Variants in WNT11 observed in about 807,000 individuals in gnomAD.
WNT11 encodes the protein protein Wnt-11.
A neutral mutation model predicts 35.6 loss-of-function variants in WNT11; 20 were observed. The ratio of observed to expected loss-of-function variants is 0.56; its 90% CI spans 0.40 to 0.82. The LOEUF is 0.82. Ranked by LOEUF, WNT11 falls within the 40% of genes least tolerant of loss-of-function variation. The pLI, the probability that WNT11 is intolerant of heterozygous loss-of-function variation, is 0.00. For synonymous variants in WNT11, 200 were observed against 211.9 expected, an observed-to-expected ratio of 0.94 and a Z score of 0.49; for missense variants, 459 against 504.4, an observed-to-expected ratio of 0.91 and a Z score of 0.86.
chr11:76,209,956 C>G (rs1953536759), upstream of WNT11, among the ~76,000 whole-genome samples: 1 of 151,780 alleles, frequency 6.6e-6, no homozygotes, highest in Non-Finnish European at 1.5e-5. Context: ...CTCCCCCCGC[C>G]GCCCCTGGGA....
intron 3 of WNT11, among the ~76,000 whole-genome samples, chr11:76,193,380 G>GCCCA (rs1468515887): frequency 3.3e-5 from 5 of 151,634 alleles, no homozygotes; most frequent in Admixed American, 3.3e-4. Flanking sequence ...AGCATGTGGC[G>GCCCA]CCCAGCTGGC....
upstream of WNT11, chr11:76,210,564 A>C: frequency 2.0e-6 from 2 of 985,060 alleles, no homozygotes; most frequent in Non-Finnish European, 2.4e-6. Context: ...GCCCGTGCGC[A>C]CTCCGGCTGG....
intron 3 of WNT11, among the ~76,000 whole-genome samples, chr11:76,192,682 T>G (rs556760260): frequency 2.7e-4 from 41 of 152,352 alleles, no homozygotes; most frequent in African/African-American, 9.9e-4. Flanking sequence ...GCTCAGAGGC[T>G]TGGGGAGACT....
At chr11:76,190,976 G>A (rs772510218) in intron 4 of WNT11, 1 of 153,044 alleles carries the variant, frequency 6.5e-6, no homozygotes, top group South Asian at 2.1e-4. Flanking sequence ...TGTGACTGGG[G>A]CTGTGGTAGG....
chr11:76,189,612 A>C (rs1953150777), intron 4 of WNT11, among the ~76,000 whole-genome samples: 1 of 152,130 alleles, frequency 6.6e-6, no homozygotes, highest in Admixed American at 6.5e-5. Context: ...AGGCTCACTT[A>C]CACCCAACCC....
At chr11:76,210,461 C>A, upstream of WNT11, 1 of 985,344 alleles carries the variant, frequency 1.0e-6, no homozygotes. Context: ...CTGCCCGCGA[C>A]CACTGCTCAC....
chr11:76,187,298 C>G, intron 4 of WNT11, 59 bp from the exon 5 acceptor site: 1 of 1,518,534 alleles, frequency 6.6e-7, no homozygotes, highest in Non-Finnish European at 8.8e-7. Context: ...CACCAACACC[C>G]CATGACTCCC....
At position 76,187,248 on chromosome 11, in the gene WNT11, G is replaced by A. The variant is rs772714967; in HGVS notation, c.891-9C>T. On this transcript the variant is annotated splice_polypyrimidine_tract_variant and intron_variant, in intron 4 of 4. Coordinates refer to ENST00000322563, the MANE Select transcript of WNT11 (RefSeq NM_004626.3). ...ATGTCTTGTTGCACTGCCTATTGTGGGGGCAGGAAGGAGGTCAGTGCATGC... is the reference window on the plus strand; with the variant it reads ...ATGTCTTGTTGCACTGCCTATTGTGAGGGCAGGAAGGAGGTCAGTGCATGC... 16 of 1,599,168 alleles carry A rather than the reference G, an allele frequency of 1.0e-5. No homozygotes were observed. The highest frequency in any genetic ancestry group is 1.7e-4 in the Middle Eastern group (1 of 5,958).
At chr11:76,191,098 C>T (rs1953177760) in intron 4 of WNT11, among the ~76,000 whole-genome samples, 1 of 152,202 alleles carries the variant, frequency 6.6e-6, no homozygotes, top group South Asian at 2.1e-4. Flanking sequence ...ACATCACTCT[C>T]CCTCACACAG....
chr11:76,190,101 T>C (rs1331209070), intron 4 of WNT11, among the ~76,000 whole-genome samples: 2 of 151,704 alleles, frequency 1.3e-5, no homozygotes, highest in Non-Finnish European at 2.9e-5. Flanking sequence ...AGATGCTAGG[T>C]AAGTGCGCTT....
intron 1 of WNT11, among the ~76,000 whole-genome samples, chr11:76,199,458 T>C (rs1208743329): frequency 1.3e-5 from 2 of 150,370 alleles, no homozygotes; most frequent in Non-Finnish European, 3.0e-5. Flanking sequence ...GGTGACACAG[T>C]GAAACCTTGT....
At chr11:76,191,880 C>G in intron 3 of WNT11, 24 bp from the exon 4 acceptor site, 1 of 1,581,674 alleles carries the variant, frequency 6.3e-7, no homozygotes, top group Non-Finnish European at 8.6e-7. Context: ...AAGGCGTCAG[C>G]TGGGTGGCCA....
intron 4 of WNT11, among the ~76,000 whole-genome samples, chr11:76,188,982 G>A (rs561798382): frequency 6.6e-6 from 1 of 152,234 alleles, no homozygotes; most frequent in African/African-American, 2.4e-5. Flanking sequence ...TGGGCAGAAG[G>A]AGGGGAGCGC....
intron 4 of WNT11, among the ~76,000 whole-genome samples, chr11:76,190,313 C>T (rs1953164317): frequency 6.6e-6 from 1 of 152,142 alleles, no homozygotes; most frequent in Admixed American, 6.5e-5. Flanking sequence ...CTGCAGCCCT[C>T]CATGTTCTAG....
intron 4 of WNT11, among the ~76,000 whole-genome samples, chr11:76,191,282 C>G (rs1186321026): frequency 1.3e-5 from 2 of 152,218 alleles, no homozygotes; most frequent in Non-Finnish European, 2.9e-5. Flanking sequence ...CTCTTCCCAT[C>G]TGTCTCCCCA....
At chr11:76,204,436 T>C (rs1293785252) in intron 1 of WNT11, among the ~76,000 whole-genome samples, 1 of 152,174 alleles carries the variant, frequency 6.6e-6, no homozygotes, top group Non-Finnish European at 1.5e-5. Flanking sequence ...AGGCTTCTGC[T>C]CGTGCTGTGC....
At chr11:76,187,276 T>C (rs952013925) in intron 4 of WNT11, 37 bp from the exon 5 acceptor site, 6 of 1,580,434 alleles carry the variant, frequency 3.8e-6, no homozygotes, top group Non-Finnish European at 5.1e-6. Context: ...GTGCATGCCT[T>C]GGTCACCACC....
In WNT11 at chr11:76,191,629, A is replaced by G. The variant is rs756722078; in HGVS notation, c.825T>C (p.Tyr275=). The change falls in exon 4 of 5, where the codon TAT becomes TAC. Residue 275 remains tyrosine (Y), a synonymous_variant. Coordinates refer to ENST00000322563, the MANE Select transcript of WNT11 (RefSeq NM_004626.3). ...IRPVKDSELV[Y]LQSSPDFCMK... Reference sequence around the variant, plus strand: ...TGCAGAAGTCAGGTGAGCTCTGCAGATAGACGAGTTCCGAGTCCTTCACAG... The same window carrying G: ...TGCAGAAGTCAGGTGAGCTCTGCAGGTAGACGAGTTCCGAGTCCTTCACAG... The G allele has an allele frequency of 1.2e-6, 2 of 1,614,016 alleles. No homozygotes were observed. Among genetic ancestry groups the G allele is most frequent in the South Asian group, 1.1e-5 (1 of 91,090 alleles).
At chr11:76,209,026 G>C (rs1034467250), upstream of WNT11, among the ~76,000 whole-genome samples, 1 of 152,196 alleles carries the variant, frequency 6.6e-6, no homozygotes, top group Non-Finnish European at 1.5e-5. Context: ...GCGGGCTGGG[G>C]TCAAGTCCTC....
Sources: allele counts gnomAD v4.1 joint callset (sites outside exome capture counted in the v4.1 genomes callset), GRCh38; gene constraint gnomAD v4.1.1; transcripts MANE v1.5; gene names NCBI Gene and HGNC (gene_info 2026-07-23, HGNC 2026-07-21).